The following HSD17B4 variants were observed in gnomAD, a reference collection of about 807,000 sequenced individuals.
HSD17B4 encodes peroxisomal multifunctional enzyme type 2.
A neutral mutation model predicts 101.0 loss-of-function variants in HSD17B4; 70 were observed. The ratio of observed to expected loss-of-function variants is 0.69; its 90% CI spans 0.57 to 0.85. The LOEUF is 0.85. Ranked by LOEUF, HSD17B4 falls within the 40% of genes least tolerant of loss-of-function variation. The pLI is 0.00. For synonymous variants in HSD17B4, 347 were observed against 297.1 expected (o/e 1.17, Z -1.73); for missense variants, 984 against 892.4 (o/e 1.10, Z -1.31).
At position 119,475,730 on chromosome 5, in the gene HSD17B4, G is replaced by T; in HGVS notation, c.302+3G>T. On this transcript the variant is annotated splice_donor_region_variant and intron_variant, in intron 5 of 23. Coordinates refer to ENST00000510025, the MANE Select transcript of HSD17B4 (RefSeq NM_000414.4). Reference sequence around the variant, plus strand: ...GATGTTGTGGTCAACAATGCTGGGTGAGTATTTCTTTTTCATTTTTAGTGA... The same window carrying T: ...GATGTTGTGGTCAACAATGCTGGGTTAGTATTTCTTTTTCATTTTTAGTGA... The T allele has an allele frequency of 6.3e-7, 1 of 1,597,912 alleles. No individual in the cohort carries two copies. The highest frequency in any genetic ancestry group is 8.6e-7 in the Non-Finnish European group (1 of 1,166,804).
At chr5:119,538,210 A>G (rs1282012688) in intron 23 of HSD17B4, among the ~76,000 whole-genome samples, 2 of 152,176 alleles carry the variant, frequency 1.3e-5, no homozygotes, top group African/African-American at 4.8e-5. Flanking sequence ...CCAAATTAAT[A>G]AGCCCAGAAA....
At chr5:119,461,103 A>T (rs1236680049) in intron 2 of HSD17B4, among the ~76,000 whole-genome samples, 1 of 152,196 alleles carries the variant, frequency 6.6e-6, no homozygotes, top group Non-Finnish European at 1.5e-5. Flanking sequence ...TTACCCTGAG[A>T]TGGGGTAAAA....
chr5:119,491,613 C>G (rs1750115198), intron 9 of HSD17B4, among the ~76,000 whole-genome samples: 1 of 152,042 alleles, frequency 6.6e-6, no homozygotes, highest in Admixed American at 6.6e-5. Context: ...ATGTAGTTCA[C>G]TAAGTCAAAT....
At chr5:119,531,868 G>C (rs1754144122) in intron 22 of HSD17B4, among the ~76,000 whole-genome samples, 1 of 151,952 alleles carries the variant, frequency 6.6e-6, no homozygotes, top group African/African-American at 2.4e-5. Flanking sequence ...CTATTTTCTA[G>C]ATATATACAG....
intron 9 of HSD17B4, 114 bp from the exon 10 acceptor site, chr5:119,491,986 T>C: frequency 1.2e-6 from 1 of 828,538 alleles, no homozygotes; most frequent in South Asian, 1.3e-5. Context: ...TTTCATCTCC[T>C]GTTGCCTTGA....
intron 23 of HSD17B4, among the ~76,000 whole-genome samples, chr5:119,537,458 G>T (rs896883039): frequency 6.6e-6 from 1 of 152,074 alleles, no homozygotes; most frequent in African/African-American, 2.4e-5. Context: ...ACAGTGCTTG[G>T]CAATGCAGTG....
At chr5:119,509,644 C>G in intron 16 of HSD17B4, 1 of 334,202 alleles carries the variant, frequency 3.0e-6, no homozygotes, top group Non-Finnish European at 5.8e-6. Flanking sequence ...AAACAAGGCC[C>G]CAGGAAACTC....
At chr5:119,474,490 G>A in intron 4 of HSD17B4, 30 bp downstream of exon 4, 1 of 1,366,374 alleles carries the variant, frequency 7.3e-7, no homozygotes. Context: ...TGGCTCTTGT[G>A]GAGCAACTTC....
At position 119,497,929 on chromosome 5, in the gene HSD17B4, A is replaced by T. The variant is rs751363156; in HGVS notation, c.972+1283A>T. Among the ~76,000 whole-genome samples, 73 of 152,194 alleles carry T rather than the reference A, an allele frequency of 4.8e-4. 2 individuals carry two copies. The highest frequency in any genetic ancestry group is 1.0e-3 in the Admixed American group (16 of 15,286). ...ACATTTTCTGACTCTTTAGAAAAGG[A>T]TATCTAGTTTAGTGCTCTTTTGGGT... On this transcript the variant is annotated intron_variant, in intron 12 of 23. Coordinates refer to ENST00000510025, the MANE Select transcript of HSD17B4 (RefSeq NM_000414.4).
At chr5:119,493,201 G>C (rs967139936) in intron 10 of HSD17B4, 1 of 152,884 alleles carries the variant, frequency 6.5e-6, no homozygotes, top group Non-Finnish European at 1.5e-5. Flanking sequence ...GTTATTAGTA[G>C]TTGTTTATAC....
chr5:119,503,290 A>G (rs1751353612), intron 14 of HSD17B4, among the ~76,000 whole-genome samples: 1 of 152,076 alleles, frequency 6.6e-6, no homozygotes, highest in Admixed American at 6.6e-5. Flanking sequence ...ATACGAAAAG[A>G]GAGATTAGAT....
chr5:119,519,771 C>T (rs1309947398), intron 17 of HSD17B4, among the ~76,000 whole-genome samples: 2 of 152,194 alleles, frequency 1.3e-5, no homozygotes, highest in East Asian at 3.8e-4. Context: ...AAGCATTCAT[C>T]TTATCTAGAA....
chr5:119,484,853 C>T (rs1295149099), intron 8 of HSD17B4, among the ~76,000 whole-genome samples: 1 of 152,110 alleles, frequency 6.6e-6, no homozygotes, highest in African/African-American at 2.4e-5. Context: ...GTTTCCTTGA[C>T]AGCAGAGCCA....
At chr5:119,481,721 A>G (rs1395493312) in intron 8 of HSD17B4, among the ~76,000 whole-genome samples, 1 of 152,158 alleles carries the variant, frequency 6.6e-6, no homozygotes, top group African/African-American at 2.4e-5. Context: ...AATGACACTG[A>G]TAGACTTGCC....
Position 119,452,629 on chromosome 5 carries a change from G to T in HSD17B4, c.54G>T (p.Gly18=). The stretch of plus-strand genomic sequence containing the variant: ...GGGTGGTACTGGTCACCGGCGCGGG[G>T]GCAGGTGAGCATGCGAAGGTTGGAG... ...DGRVVLVTGA[G]AGLGRAYALA... is the part of the protein sequence containing the mutation. Residue 18 remains glycine (G), a synonymous_variant, in exon 1 of 24, where the codon GGG becomes GGT. Coordinates refer to ENST00000510025, the MANE Select transcript of HSD17B4 (RefSeq NM_000414.4). 1 of 1,613,910 alleles carries T rather than the reference G, an allele frequency of 6.2e-7. No homozygotes were observed. Among genetic ancestry groups the T allele is most frequent in the Non-Finnish European group, 8.5e-7 (1 of 1,179,958 alleles).
Position 119,525,390 on chromosome 5 carries a change from TA to T in HSD17B4, c.1573+112del, listed in dbSNP as rs146163821. 0.12 allele frequency: 87,210 copies of T among 744,916 alleles called. 6,088 individuals carry two copies. Among genetic ancestry groups the T allele is most frequent in the Non-Finnish European group, 0.15 (60,424 of 415,990 alleles). The allele number at this position is 744,916 out of a possible 1,614,324, so 46.1% of individuals were successfully genotyped here. ...TATGACTGGTAGTTTGAGTAGCATT[TA>T]AAAAAATGTTATTTTATTTATTACA... On this transcript the variant is annotated intron_variant, in intron 18 of 23. Coordinates refer to ENST00000510025, the MANE Select transcript of HSD17B4 (RefSeq NM_000414.4).
chr5:119,467,700 T>C (rs1338744195), intron 2 of HSD17B4, among the ~76,000 whole-genome samples: 3 of 152,236 alleles, frequency 2.0e-5, no homozygotes, highest in African/African-American at 4.8e-5. Context: ...ACAGTATTCA[T>C]AGGATATGAA....
intron 16 of HSD17B4, among the ~76,000 whole-genome samples, chr5:119,514,349 AATT>A (rs1447405103): frequency 1.1e-4 from 16 of 152,150 alleles, no homozygotes; most frequent in African/African-American, 3.4e-4. Context: ...AATTTACTTA[AATT>A]ATTCTATAAT....
intron 21 of HSD17B4, 146 bp from the exon 22 acceptor site, chr5:119,531,117 TAAG>T (rs1754054819): frequency 1.4e-6 from 1 of 718,964 alleles, no homozygotes; most frequent in African/African-American, 1.8e-5. Flanking sequence ...TGTATACAAA[TAAG>T]AAAGTATGAA....
Sources: allele counts gnomAD v4.1 joint callset (sites outside exome capture counted in the v4.1 genomes callset), GRCh38; gene constraint gnomAD v4.1.1; transcripts MANE v1.5; gene names NCBI Gene and HGNC (gene_info 2026-07-23, HGNC 2026-07-21).